The following KIFC3 variants were observed in gnomAD, a reference collection of about 807,000 sequenced individuals.
The protein encoded by KIFC3 is kinesin family member C3, also known as kinesin-like protein KIFC3.
Under a neutral mutation model 101.8 loss-of-function variants are expected in KIFC3, and 60 were observed. The observed-to-expected ratio is 0.59, with a 90% CI of 0.48 to 0.73. The LOEUF (loss-of-function observed/expected upper bound fraction) is 0.73, where lower values mean the gene tolerates loss of function less well. KIFC3 is among the 30% of genes least tolerant of loss of function. The pLI is 0.00. For missense variants in KIFC3, 966 were observed against 1,137.1 expected (o/e 0.85, Z 2.16); for synonymous variants, 476 against 482.7 (o/e 0.99, Z 0.18).
At chr16:57,809,885 C>A (rs782130333) in intron 1 of KIFC3, among the ~76,000 whole-genome samples, 1 of 152,156 alleles carries the variant, frequency 6.6e-6, no homozygotes, top group Non-Finnish European at 1.5e-5. Flanking sequence ...GATATCTGAG[C>A]GATGGCTGTC....
rs879967914 is a variant in KIFC3, at chr16:57,775,731, G to A, written c.316-3443C>T. 1.6e-5 allele frequency: 16 copies of A among 985,474 alleles called. No homozygotes were observed. In the Admixed American group the frequency reaches 7.4e-4, roughly 45 times the overall value. The allele number at this position is 985,474 out of a possible 1,614,324, so 61.0% of individuals were successfully genotyped here. On this transcript the variant is annotated intron_variant, in intron 3 of 19. Transcript: ENST00000445690. Reference sequence around the variant, plus strand: ...GATACATACTTGTGGCCACAAAGGGGCAGCAGGCACATGCCTGAGCCCAAG... The same window carrying A: ...GATACATACTTGTGGCCACAAAGGGACAGCAGGCACATGCCTGAGCCCAAG...
intron 3 of KIFC3, among the ~76,000 whole-genome samples, chr16:57,784,342 CA>C (rs1771802924): frequency 6.6e-6 from 1 of 152,164 alleles, no homozygotes; most frequent in Non-Finnish European, 1.5e-5. Context: ...GAGGAAGACA[CA>C]AAGCATGAGG....
At chr16:57,860,037 T>C (rs569956941) in intron 1 of KIFC3, among the ~76,000 whole-genome samples, 26 of 94,094 alleles carry the variant, frequency 2.8e-4, no homozygotes, top group Non-Finnish European at 4.1e-4. Context: ...TAAAATAAAA[T>C]AAAATAAAAT....
intron 3 of KIFC3, among the ~76,000 whole-genome samples, chr16:57,778,907 C>T (rs1180711770): frequency 6.6e-6 from 1 of 151,964 alleles, no homozygotes; most frequent in East Asian, 1.9e-4. Context: ...CTCATCTCTA[C>T]AAATAAATAA....
At chr16:57,803,574 C>T (rs556415488), upstream of KIFC3, among the ~76,000 whole-genome samples, 5 of 152,346 alleles carry the variant, frequency 3.3e-5, no homozygotes, top group East Asian at 9.6e-4. Context: ...CTCCTGCTGC[C>T]GCCCAGGCGC....
intron 1 of KIFC3, among the ~76,000 whole-genome samples, chr16:57,800,639 C>G (rs781792571): frequency 6.6e-6 from 1 of 152,070 alleles, no homozygotes; most frequent in Non-Finnish European, 1.5e-5. Flanking sequence ...GAGGAGATAG[C>G]GTTTCTGCGG....
chr16:57,819,063 G>A (rs2055295254), intron 1 of KIFC3, among the ~76,000 whole-genome samples: 1 of 150,840 alleles, frequency 6.6e-6, no homozygotes, highest in Non-Finnish European at 1.5e-5. Context: ...CAGCCAAGAA[G>A]GGACGAGATA....
chr16:57,778,584 A>G (rs2052384457), intron 3 of KIFC3, among the ~76,000 whole-genome samples: 1 of 152,246 alleles, frequency 6.6e-6, no homozygotes, highest in Admixed American at 6.5e-5. Context: ...ACTCAACAAC[A>G]ACAAACCCAA....
rs782061186 is a variant in KIFC3 at position 57,785,476 on chromosome 16, C to T, written c.315+9523G>A. ...CCTCCCCAGGTACCTGGTTCTGCAG[C>T]TGGGTGGACGTGGCCTGCTGGTCAC... On this transcript the variant is annotated intron_variant, in intron 3 of 19. Coordinates refer to ENST00000445690, the MANE Select transcript of KIFC3 (RefSeq NM_001130100.2). 7.0e-6 allele frequency: 9 copies of T among 1,286,206 alleles called. No homozygotes were observed. The South Asian group carries it at 7.4e-5, about 11-fold the overall frequency. 79.7% of individuals were successfully genotyped at this position (1,286,206 alleles called of 1,614,324 possible). A position where few individuals can be genotyped will look rare whatever the true frequency, so the allele number is the denominator to read the frequency against.
chr16:57,862,721 G>T (rs1959372194), intron 1 of KIFC3: 3 of 1,257,104 alleles, frequency 2.4e-6, no homozygotes, highest in Non-Finnish European at 3.1e-6. Context: ...ACCCAGCCAG[G>T]CCCTTACCTT....
chr16:57,802,994 T>A, upstream of KIFC3: 1 of 1,535,888 alleles, frequency 6.5e-7, no homozygotes, highest in Middle Eastern at 1.7e-4. This position sits in a 1 kb window ranked among gnomAD's most constrained non-coding sequence, Gnocchi z 5.0. Context: ...ACCGTGTCCT[T>A]GCACGCGCTG....
At chr16:57,857,048 A>G (rs1226673390) in intron 1 of KIFC3, among the ~76,000 whole-genome samples, 1 of 152,174 alleles carries the variant, frequency 6.6e-6, no homozygotes, top group Non-Finnish European at 1.5e-5. Flanking sequence ...ATGGATTGCT[A>G]TTTATTAGTA....
chr16:57,769,730 G>A lies in KIFC3; in HGVS notation c.1088-5C>T. On this transcript the variant is annotated splice_polypyrimidine_tract_variant and splice_region_variant and intron_variant, in intron 8 of 19. Coordinates refer to ENST00000445690, the MANE Select transcript of KIFC3 (RefSeq NM_001130100.2). The surrounding 1 kb of genome is among the most constrained non-coding windows in gnomAD (Gnocchi z 4.3). ...TCAGCAAGTTGGTCCGGACGCCTAT[G>A]GGGACACTCGGGCTGTGAGGCGGGA... is the stretch of plus-strand genomic sequence containing the variant. 1 of 1,612,988 alleles carries A rather than the reference G, an allele frequency of 6.2e-7. No homozygotes were observed. Among genetic ancestry groups the A allele is most frequent in the Non-Finnish European group, 8.5e-7 (1 of 1,179,852 alleles).
chr16:57,846,137 C>T (rs1397335178), intron 1 of KIFC3, among the ~76,000 whole-genome samples: 13 of 152,236 alleles, frequency 8.5e-5, no homozygotes, highest in African/African-American at 3.1e-4. Flanking sequence ...CACTCCCTCC[C>T]CACCAGAGCA....
chr16:57,775,959 G>A (rs2052009005), intron 3 of KIFC3: 1 of 985,386 alleles, frequency 1.0e-6, no homozygotes, highest in Admixed American at 6.1e-5. Flanking sequence ...GGGGAAGAGG[G>A]AGCTGGGCCT....
At chr16:57,821,130 T>TTA (rs1555629836) in intron 1 of KIFC3, among the ~76,000 whole-genome samples, 1 of 143,422 alleles carries the variant, frequency 7.0e-6, no homozygotes, top group Non-Finnish European at 1.5e-5. Flanking sequence ...GCCTGTGTAT[T>TTA]AAAAAAAAAA....
intron 1 of KIFC3, chr16:57,815,302 G>C (rs1439766653): frequency 4.4e-6 from 2 of 455,008 alleles, no homozygotes; most frequent in Admixed American, 5.3e-5. Context: ...CTGACTGGAG[G>C]CAGAATTGTG....
intron 1 of KIFC3, among the ~76,000 whole-genome samples, chr16:57,861,764 C>T (rs1959290528): frequency 6.6e-6 from 1 of 152,026 alleles, no homozygotes; most frequent in South Asian, 2.1e-4. Context: ...TCAAGACCAG[C>T]CTAACAAAAC....
intron 3 of KIFC3, among the ~76,000 whole-genome samples, chr16:57,777,473 C>T (rs917837302): frequency 1.6e-4 from 24 of 152,210 alleles, no homozygotes; most frequent in African/African-American, 5.3e-4. Context: ...GTAATCCCAG[C>T]ACTTTGGGAG....
Sources: gnomAD v4.1 joint callset for allele counts (sites outside exome capture counted in the v4.1 genomes callset) on GRCh38, gnomAD v4.1.1 for gene constraint, Gnocchi (gnomAD v3.1) non-coding constraint, MANE v1.5 for transcripts, NCBI Gene and HGNC (gene_info 2026-07-23, HGNC 2026-07-21) for gene names.